SLC25A26: variants seen among roughly 807,000 people sequenced by gnomAD.
SLC25A26 encodes the protein solute carrier family 25 member 26.
A neutral mutation model predicts 37.8 loss-of-function variants in SLC25A26; 36 were observed. The observed-to-expected ratio is 0.95, with a 90% CI of 0.73 to 1.26. The LOEUF (loss-of-function observed/expected upper bound fraction) is 1.26, where lower values mean the gene tolerates loss of function less well. SLC25A26 is among the 50% of genes most tolerant of loss of function. The probability of loss-of-function intolerance (pLI) is 0.00; values close to 1 mark genes in which losing one functional copy is unlikely to be tolerated. For missense variants in SLC25A26, 390 were observed against 331.1 expected (o/e 1.18, Z -1.38); for synonymous variants, 129 against 122.5 (o/e 1.05, Z -0.35).
At chr3:66,153,127 G>A (rs1028275464) in intron 1 of SLC25A26, among the ~76,000 whole-genome samples, 1 of 152,078 alleles carries the variant, frequency 6.6e-6, no homozygotes, top group Admixed American at 6.6e-5. Flanking sequence ...TGCAATGCTT[G>A]GAGCTATTTT....
At chr3:66,345,761 C>A (rs1397599760) in intron 5 of SLC25A26, among the ~76,000 whole-genome samples, 1 of 152,114 alleles carries the variant, frequency 6.6e-6, no homozygotes, top group African/African-American at 2.4e-5. Flanking sequence ...GGCTCTTAAG[C>A]ACAGAAATGT....
intron 2 of SLC25A26, 119 bp downstream of exon 2, chr3:66,236,819 C>A: frequency 1.4e-6 from 1 of 709,126 alleles, no homozygotes. Context: ...GAATTTCCTT[C>A]TTTAACCTGG....
At chr3:66,255,468 T>C (rs1023930775) in intron 3 of SLC25A26, among the ~76,000 whole-genome samples, 5 of 152,076 alleles carry the variant, frequency 3.3e-5, no homozygotes, top group Non-Finnish European at 4.4e-5. Flanking sequence ...TGCATTTTGA[T>C]TTTGATAAAG....
chr3:66,209,894 CTATTTATATATATATATATATATATATA>C (rs1242707200), intron 1 of SLC25A26, among the ~76,000 whole-genome samples: 1 of 13,192 alleles, frequency 7.6e-5, no homozygotes, highest in Non-Finnish European at 1.9e-4. Flanking sequence ...CTCTCTCTCT[CTATTTATATATATATATATATATATATA>C]TATATATATA....
chr3:66,229,741 C>A (rs1259439499), intron 1 of SLC25A26, among the ~76,000 whole-genome samples: 1 of 152,166 alleles, frequency 6.6e-6, no homozygotes, highest in Non-Finnish European at 1.5e-5. Flanking sequence ...GAAGCTAAAT[C>A]TGTTTGATGG....
At chr3:66,325,369 C>T (rs2075811151) in intron 5 of SLC25A26, among the ~76,000 whole-genome samples, 1 of 152,188 alleles carries the variant, frequency 6.6e-6, no homozygotes, top group South Asian at 2.1e-4. Context: ...CATATTCAAT[C>T]TTTCATATGT....
rs924243242 is a variant in SLC25A26 at position 66,221,040 on chromosome 3, C to A, written c.-55C>A. ...CATGGCGGCGCCCAGCGCGCGAGGACGTGATCCGCTTCTGCTCCGGCTTGG... is the reference window on the plus strand; with the variant it reads ...CATGGCGGCGCCCAGCGCGCGAGGAAGTGATCCGCTTCTGCTCCGGCTTGG... On this transcript the variant is annotated 5_prime_UTR_variant, in exon 1 of 10. Coordinates refer to ENST00000354883, the MANE Select transcript of SLC25A26 (RefSeq NM_001379210.1). 2 of 1,529,270 alleles carry A rather than the reference C, an allele frequency of 1.3e-6. No individual in the cohort carries two copies. The highest frequency in any genetic ancestry group is 1.2e-5 in the South Asian group (1 of 83,878). The allele number at this position is 1,529,270 out of a possible 1,614,324, so 94.7% of individuals were successfully genotyped here.
chr3:66,202,481 G>A (rs1457503306), intron 1 of SLC25A26, among the ~76,000 whole-genome samples: 4 of 137,810 alleles, frequency 2.9e-5, no homozygotes, highest in Non-Finnish European at 4.6e-5. Context: ...GTATACCTAT[G>A]TAACAAACCT....
intron 1 of SLC25A26, among the ~76,000 whole-genome samples, chr3:66,175,116 T>TATATATAC (rs1350907304): frequency 3.6e-5 from 3 of 84,070 alleles, no homozygotes; most frequent in African/African-American, 1.4e-4. Context: ...TGTGTATATA[T>TATATATAC]ATATATATAT....
chr3:66,170,791 G>GTTTT lies in SLC25A26; in HGVS notation c.-354+36834_-354+36837dup, dbSNP rs36147154. Reference sequence around the variant, plus strand: ...CAAACATTTAATAGATGTGATTATTGTTTTTTTTTTTTTTTTTTTTTTTTT... The same window carrying GTTTT: ...CAAACATTTAATAGATGTGATTATTGTTTTTTTTTTTTTTTTTTTTTTTTTTTTT... On this transcript the variant is annotated intron_variant, in intron 1 of 10. Coordinates refer to the SLC25A26 transcript ENST00000676754. Among the ~76,000 whole-genome samples, 308 of 50,912 alleles carry GTTTT rather than the reference G, an allele frequency of 6.0e-3. 25 individuals are homozygous for GTTTT. The highest frequency in any genetic ancestry group is 9.7e-3 in the East Asian group (12 of 1,238). 33.4% of individuals were successfully genotyped at this position (50,912 alleles called of 152,430 possible). A position where few individuals can be genotyped will look rare whatever the true frequency, so the allele number is the denominator to read the frequency against.
At chr3:66,367,725 G>C (rs976924090) in intron 7 of SLC25A26, among the ~76,000 whole-genome samples, 2 of 151,526 alleles carry the variant, frequency 1.3e-5, no homozygotes, top group East Asian at 1.9e-4. Context: ...GAGAGAGAGA[G>C]AGAGAGACAG....
intron 3 of SLC25A26, among the ~76,000 whole-genome samples, chr3:66,252,669 C>T (rs2073130456): frequency 6.6e-6 from 1 of 152,224 alleles, no homozygotes; most frequent in Non-Finnish European, 1.5e-5. Flanking sequence ...GGTCTAGCCC[C>T]ATTTCACACA....
chr3:66,183,046 C>T (rs2070747049), intron 1 of SLC25A26, among the ~76,000 whole-genome samples: 2 of 152,130 alleles, frequency 1.3e-5, no homozygotes, highest in East Asian at 3.9e-4. Context: ...CCTCTAAGGC[C>T]TAGGGTGTGT....
intron 6 of SLC25A26, among the ~76,000 whole-genome samples, chr3:66,346,952 C>T (rs2076340301): frequency 6.6e-6 from 1 of 152,046 alleles, no homozygotes; most frequent in Non-Finnish European, 1.5e-5. Flanking sequence ...GACTAGGAGC[C>T]TCCAGAGGGA....
At chr3:66,223,116 A>T (rs2071578064) in intron 1 of SLC25A26, among the ~76,000 whole-genome samples, 1 of 152,198 alleles carries the variant, frequency 6.6e-6, no homozygotes, top group Admixed American at 6.5e-5. Flanking sequence ...CAGCAGATAA[A>T]ACAGTTGCAA....
intron 6 of SLC25A26, among the ~76,000 whole-genome samples, chr3:66,350,825 C>T (rs2076437024): frequency 6.6e-6 from 1 of 152,074 alleles, no homozygotes; most frequent in Non-Finnish European, 1.5e-5. Context: ...TTCTCTGACT[C>T]CTTTCTGAAG....
chr3:66,142,305 T>C (rs2070047581), intron 1 of SLC25A26, among the ~76,000 whole-genome samples: 1 of 152,240 alleles, frequency 6.6e-6, no homozygotes, highest in South Asian at 2.1e-4. Flanking sequence ...CCATCGCATG[T>C]ATCAGTATCA....
intron 1 of SLC25A26, among the ~76,000 whole-genome samples, chr3:66,201,738 G>A (rs2071112642): frequency 6.6e-6 from 1 of 152,110 alleles, no homozygotes; most frequent in African/African-American, 2.4e-5. Flanking sequence ...TGCATATAAG[G>A]AATTGATGTT....
chr3:66,180,242 C>A (rs1043664127), intron 1 of SLC25A26, among the ~76,000 whole-genome samples: 2 of 152,188 alleles, frequency 1.3e-5, no homozygotes, highest in African/African-American at 2.4e-5. Context: ...ATTTATTTTC[C>A]TCTGAGGCTT....
Sources: gnomAD v4.1 joint callset for allele counts (sites outside exome capture counted in the v4.1 genomes callset) on GRCh38, gnomAD v4.1.1 for gene constraint, MANE v1.5 for transcripts, NCBI Gene and HGNC (gene_info 2026-07-23, HGNC 2026-07-21) for gene names.